The following KLHL38 variants were observed in gnomAD, a reference collection of about 807,000 sequenced individuals.
KLHL38 encodes the protein kelch like family member 38, also known as kelch-like protein 38.
KLHL38 carries 38 observed loss-of-function variants against 39.6 expected under a neutral mutation model. The observed-to-expected ratio is 0.96, with a 90% CI of 0.74 to 1.26. The LOEUF (loss-of-function observed/expected upper bound fraction) is 1.26, where lower values mean the gene tolerates loss of function less well. Among genes scored for constraint, KLHL38 ranks in the 50% most tolerant of loss-of-function variants. The pLI, the probability that KLHL38 is intolerant of heterozygous loss-of-function variation, is 0.00. For synonymous variants in KLHL38, 322 were observed against 302.2 expected (o/e 1.07, Z -0.68); for missense variants, 803 against 748.1 (o/e 1.07, Z -0.86).
intron 2 of KLHL38, 68 bp from the exon 3 acceptor site, chr8:123,647,082 G>A: frequency 1.1e-6 from 1 of 897,658 alleles, no homozygotes; most frequent in Non-Finnish European, 1.8e-6. Context: ...GACAGAAGTA[G>A]TAATTACGAG....
At chr8:123,647,093 G>A in intron 2 of KLHL38, 79 bp from the exon 3 acceptor site, 1 of 776,492 alleles carries the variant, frequency 1.3e-6, no homozygotes, top group South Asian at 1.6e-5. Context: ...TAATTACGAG[G>A]GTGAACTAGG....
chr8:123,649,434 G>A (rs769104766), intron 2 of KLHL38, among the ~76,000 whole-genome samples: 4 of 152,198 alleles, frequency 2.6e-5, no homozygotes, highest in South Asian at 2.1e-4. Flanking sequence ...GGAACTGACC[G>A]AGTCCAAGCC....
At position 123,645,998 on chromosome 8, in the gene KLHL38, G is replaced by C. The variant is rs1456175092; in HGVS notation, c.1487C>G (p.Pro496Arg). The change falls in exon 4 of 4, where the codon CCT (proline) becomes CGT (arginine). Residue 496 changes from proline to arginine, a missense_variant. Coordinates refer to ENST00000684634, the MANE Select transcript of KLHL38 (RefSeq NM_001081675.3). ...GYTRRILAYDPQSNKFVKCAD... is the reference protein window; with the variant it reads ...GYTRRILAYDRQSNKFVKCAD... ...ACATTTGACAAATTTGTTGGATTGA[G>C]GGTCATAAGCAAGAATCCTCCTTGT... 6.2e-7 allele frequency: 1 copy of C among 1,614,188 alleles called. No individual in the cohort carries two copies. Among genetic ancestry groups the C allele is most frequent in the Non-Finnish European group, 8.5e-7 (1 of 1,180,026 alleles).
chr8:123,652,068 T>C lies in KLHL38; in HGVS notation c.859A>G (p.Ile287Val). The part of the protein sequence containing the change: ...PPRNSYQDFL[I>V]LLGGRKDSQQ... ...CTGTCCTTCCTTCCGCCCAAGAGGA[T>C]GAGGAAATCTTGGTAAGAGTTTCTT... The change falls in exon 2 of 4, where the codon ATC becomes GTC. Residue 287 changes from isoleucine to valine, a missense_variant. By Grantham distance (29) the Ile-to-Val change is conservative. Transcript: ENST00000684634. The C allele has an allele frequency of 6.2e-7, 1 of 1,614,154 alleles. No individual in the cohort carries two copies. The highest frequency in any genetic ancestry group is 8.5e-7 in the Non-Finnish European group (1 of 1,180,022).
chr8:123,646,916 A>G lies in KLHL38; in HGVS notation c.1449T>C (p.Ile483=), dbSNP rs1818673443. ...PAVVLGERIV[I]VGGYTRRILA... ...TCCTCTGTTCAGACTCACCTCCCACAATGACAATCCGCTCCCCAAGCACCA... is the reference window on the plus strand; with the variant it reads ...TCCTCTGTTCAGACTCACCTCCCACGATGACAATCCGCTCCCCAAGCACCA... The change falls in exon 3 of 4, where the codon ATT becomes ATC. Residue 483 remains isoleucine, a synonymous_variant. Transcript: ENST00000684634. 1.2e-6 allele frequency: 2 copies of G among 1,611,186 alleles called. No homozygotes were observed. The highest frequency in any genetic ancestry group is 1.3e-5 in the African/African-American group (1 of 74,828).
In KLHL38 at chr8:123,653,636, C is replaced by T. The variant is rs1001382079; in HGVS notation, c.-52G>A. ...TGGTGCCTGGTCTGACTTATCCCCC[C>T]GGAGAGTTTCTACCTCTAGCTCCAA... On this transcript the variant is annotated 5_prime_UTR_variant, in exon 1 of 4. Transcript: ENST00000684634. Among the ~76,000 whole-genome samples the T allele has an allele frequency of 6.6e-5, 10 of 152,194 alleles. No individual in the cohort carries two copies. Among genetic ancestry groups the T allele is most frequent in the African/African-American group, 1.9e-4 (8 of 41,456 alleles).
In KLHL38 at chr8:123,651,818, A is replaced by G; in HGVS notation, c.1109T>C (p.Leu370Pro). 6.2e-7 allele frequency: 1 copy of G among 1,614,200 alleles called. No individual in the cohort carries two copies. The highest frequency in any genetic ancestry group is 8.5e-7 in the Non-Finnish European group (1 of 1,180,040). The change falls in exon 2 of 4, where the codon CTG (leucine) becomes CCG (proline). Residue 370 changes from leucine (L) to proline (P), a missense_variant. Physicochemically the swap from Leu to Pro is moderately conservative, Grantham distance 98 (BLOSUM62 -3). Coordinates refer to ENST00000684634, the MANE Select transcript of KLHL38 (RefSeq NM_001081675.3). ...LNQWRLGEPM[L>P]VARYSHRSTA... is the part of the protein sequence containing the mutation. ...GCTTCTGTGGGAGTAGCGGGCCACC[A>G]GCATGGGCTCCCCCAGCCTCCACTG...
Position 123,652,196 on chromosome 8 carries a change from G to A in KLHL38, c.731C>T (p.Ser244Phe). Residue 244 changes from serine (S) to phenylalanine (F), a missense_variant, in exon 2 of 4, where the codon TCC becomes TTC. Coordinates refer to ENST00000684634, the MANE Select transcript of KLHL38 (RefSeq NM_001081675.3). ...HFIANDALLQ[S>F]SPACQIILET... ...CAAGATGATCTGGCATGCAGGCGAG[G>A]ACTGCAGGAGGGCATCGTTGGCGAT... The A allele has an allele frequency of 6.2e-7, 1 of 1,614,226 alleles. No homozygotes were observed. Among genetic ancestry groups the A allele is most frequent in the Non-Finnish European group, 8.5e-7 (1 of 1,180,034 alleles).
chr8:123,647,169 G>A (rs1268249878), intron 2 of KLHL38, among the ~76,000 whole-genome samples, 155 bp from the exon 3 acceptor site: 1 of 152,122 alleles, frequency 6.6e-6, no homozygotes, highest in Admixed American at 6.5e-5. Flanking sequence ...AAACAAAACA[G>A]TACTGAAAAA....
intron 1 of KLHL38, 169 bp from the exon 2 acceptor site, chr8:123,653,096 G>A: frequency 1.4e-6 from 1 of 693,752 alleles, no homozygotes. Context: ...TGGAAAGGAA[G>A]GCCACATACA....
Position 123,646,041 on chromosome 8 carries a change from T to A in KLHL38, c.1457-13A>T. On this transcript the variant is annotated splice_polypyrimidine_tract_variant and intron_variant, in intron 3 of 3. Transcript: ENST00000684634. ...CTCCTTGTGTAACCTGAAAACCAAA[T>A]GACACATGGGCAAGCTCAGTGTTGC... 1 of 1,612,946 alleles carries A rather than the reference T, an allele frequency of 6.2e-7. No homozygotes were observed. The highest frequency in any genetic ancestry group is 8.5e-7 in the Non-Finnish European group (1 of 1,178,962).
rs1329234650 is a variant in KLHL38 at position 123,651,623 on chromosome 8, A to G, written c.1304T>C (p.Leu435Pro). 6.2e-7 allele frequency: 1 copy of G among 1,610,098 alleles called. No homozygotes were observed. The highest frequency in any genetic ancestry group is 1.3e-5 in the African/African-American group (1 of 74,822). ...CTGCATGATGTCCTCTCCTCCAAAG[A>G]GATAGAGTCTTTGGTCTTTCACAGC... ...AVAVKDQRLYLFGGEDIMQNP... is the reference protein window; with the variant it reads ...AVAVKDQRLYPFGGEDIMQNP... Residue 435 changes from leucine (L) to proline (P), a missense_variant, in exon 2 of 4, where the codon CTC (leucine) becomes CCC (proline). By Grantham distance (98) the Leu-to-Pro change is moderately conservative. Coordinates refer to ENST00000684634, the MANE Select transcript of KLHL38 (RefSeq NM_001081675.3).
chr8:123,650,429 G>A lies in KLHL38; in HGVS notation c.1350+1148C>T, dbSNP rs185396099. The stretch of plus-strand genomic sequence containing the variant: ...GCAAGCTTGCTCTAGACTGGTTTAG[G>A]GCATCCCGCCTGTGCTCTTAGAGCA... On this transcript the variant is annotated intron_variant, in intron 2 of 3. Coordinates refer to ENST00000684634, the MANE Select transcript of KLHL38 (RefSeq NM_001081675.3). Among the ~76,000 whole-genome samples, 5 of 152,252 alleles carry A rather than the reference G, an allele frequency of 3.3e-5. 1 individual carries two copies. The highest frequency in any genetic ancestry group is 3.3e-4 in the Admixed American group (5 of 15,304).
chr8:123,648,771 T>C (rs1443728207), intron 2 of KLHL38, among the ~76,000 whole-genome samples: 1 of 152,116 alleles, frequency 6.6e-6, no homozygotes, highest in Non-Finnish European at 1.5e-5. Flanking sequence ...GGTGGAAAGG[T>C]ACAGGTACAG....
chr8:123,649,759 C>T (rs1032250518), intron 2 of KLHL38, among the ~76,000 whole-genome samples: 9 of 152,110 alleles, frequency 5.9e-5, no homozygotes, highest in East Asian at 1.9e-4. Flanking sequence ...AGGTTGCTCC[C>T]GGTAGCCTGA....
rs746650164 is a variant in KLHL38, at chr8:123,651,619, A to G, written c.1308T>C (p.Phe436=). The change falls in exon 2 of 4, where the codon TTT becomes TTC. Residue 436 remains phenylalanine (F), a synonymous_variant. Coordinates refer to ENST00000684634, the MANE Select transcript of KLHL38 (RefSeq NM_001081675.3). The part of the protein sequence containing the change: ...VAVKDQRLYL[F]GGEDIMQNPV... ...GGTTCTGCATGATGTCCTCTCCTCC[A>G]AAGAGATAGAGTCTTTGGTCTTTCA... 8 of 1,608,044 alleles carry G rather than the reference A, an allele frequency of 5.0e-6. No homozygotes were observed. The highest frequency in any genetic ancestry group is 3.4e-5 in the Admixed American group (2 of 59,154).
chr8:123,652,431 C>T lies in KLHL38; in HGVS notation c.496G>A (p.Val166Met). ...TCCTTCAGGTCGGCCGATGCGGCCACCTCTGGGAAGGACGTCAGTGCCACC... is the reference window on the plus strand; with the variant it reads ...TCCTTCAGGTCGGCCGATGCGGCCATCTCTGGGAAGGACGTCAGTGCCACC... Reference protein sequence around the residue: ...REVALTSFPEVAASADLKELC... With the variant: ...REVALTSFPEMAASADLKELC... The change falls in exon 2 of 4, where the codon GTG becomes ATG. Residue 166 changes from valine (V) to methionine (M), a missense_variant. Physicochemically the swap from Val to Met is conservative, Grantham distance 21. Coordinates refer to ENST00000684634, the MANE Select transcript of KLHL38 (RefSeq NM_001081675.3). The T allele has an allele frequency of 6.2e-7, 1 of 1,614,150 alleles. No individual in the cohort carries two copies. The highest frequency in any genetic ancestry group is 1.1e-5 in the South Asian group (1 of 91,086).
At chr8:123,650,806 AG>A (rs1563593015) in intron 2 of KLHL38, among the ~76,000 whole-genome samples, 2 of 152,166 alleles carry the variant, frequency 1.3e-5, no homozygotes, top group African/African-American at 2.4e-5. Flanking sequence ...CATACATTTT[AG>A]GATCTCACAC....
In KLHL38 at chr8:123,651,731, C is replaced by T; in HGVS notation, c.1196G>A (p.Gly399Asp). ...GATGCTGTCATACCTTTCCATGGAGCCCATGAGCTCCTGCCCTTCTCCAAT... is the reference window on the plus strand; with the variant it reads ...GATGCTGTCATACCTTTCCATGGAGTCCATGAGCTCCTGCCCTTCTCCAAT... ...GGIGEGQELM[G>D]SMERYDSICN... is the part of the protein sequence containing the mutation. Residue 399 changes from glycine (G) to aspartate (D), a missense_variant, in exon 2 of 4, where the codon GGC (glycine) becomes GAC (aspartate). Physicochemically the swap from Gly to Asp is moderately conservative, Grantham distance 94 (BLOSUM62 -1). Coordinates refer to ENST00000684634, the MANE Select transcript of KLHL38 (RefSeq NM_001081675.3). 6.2e-7 allele frequency: 1 copy of T among 1,614,194 alleles called. No individual in the cohort carries two copies. Among genetic ancestry groups the T allele is most frequent in the Non-Finnish European group, 8.5e-7 (1 of 1,180,034 alleles).
Sources: allele counts gnomAD v4.1 joint callset (sites outside exome capture counted in the v4.1 genomes callset), GRCh38; gene constraint gnomAD v4.1.1; transcripts MANE v1.5; gene names NCBI Gene and HGNC (gene_info 2026-07-23, HGNC 2026-07-21).